Variants in GRAMD1C observed in about 807,000 individuals in gnomAD.
GRAMD1C encodes protein Aster-C.
In GRAMD1C, 89 loss-of-function variants were observed where a neutral mutation model predicts 97.8. That is an observed-to-expected ratio of 0.91 (90% CI 0.77 to 1.09). GRAMD1C has a LOEUF of 1.09. Ranked by LOEUF, GRAMD1C falls within the 50% of genes least tolerant of loss-of-function variation. The pLI, the probability that GRAMD1C is intolerant of heterozygous loss-of-function variation, is 0.00. For synonymous variants in GRAMD1C, 256 were observed against 267.0 expected (o/e 0.96, Z 0.40); for missense variants, 740 against 766.4 (o/e 0.97, Z 0.41).
At chr3:113,857,800 G>T (rs1934208894) in intron 2 of GRAMD1C, among the ~76,000 whole-genome samples, 1 of 152,148 alleles carries the variant, frequency 6.6e-6, no homozygotes, top group African/African-American at 2.4e-5. Context: ...GGGTTACATT[G>T]ATTGATTTTT....
intron 2 of GRAMD1C, among the ~76,000 whole-genome samples, chr3:113,858,032 C>T (rs566667191): frequency 6.6e-6 from 1 of 152,066 alleles, no homozygotes; most frequent in South Asian, 2.1e-4. Context: ...GAAGTGCTCC[C>T]TCTTGTTCTG....
chr3:113,856,565 A>G (rs1432875112), intron 2 of GRAMD1C, among the ~76,000 whole-genome samples: 3 of 152,172 alleles, frequency 2.0e-5, no homozygotes, highest in Non-Finnish European at 4.4e-5. Context: ...TTAGAGACAG[A>G]GTCCTGCTCT....
intron 17 of GRAMD1C, among the ~76,000 whole-genome samples, chr3:113,942,549 GT>G (rs1171721320): frequency 6.6e-6 from 1 of 152,134 alleles, no homozygotes; most frequent in Non-Finnish European, 1.5e-5. Flanking sequence ...CTCCAACCTG[GT>G]GGATTTAGGG....
intron 2 of GRAMD1C, 143 bp downstream of exon 2, chr3:113,844,792 A>G (rs1381177818): frequency 3.4e-6 from 2 of 581,126 alleles, no homozygotes; most frequent in African/African-American, 1.9e-5. Flanking sequence ...TCCCAAAGAC[A>G]TTTCTGATTA....
chr3:113,894,178 C>G (rs1935844637), intron 6 of GRAMD1C, among the ~76,000 whole-genome samples: 1 of 152,040 alleles, frequency 6.6e-6, no homozygotes, highest in African/African-American at 2.4e-5. Flanking sequence ...AATTGAGGCT[C>G]AATCAATTAT....
chr3:113,901,368 G>A (rs1280761473), intron 7 of GRAMD1C, among the ~76,000 whole-genome samples: 1 of 152,208 alleles, frequency 6.6e-6, no homozygotes, highest in Non-Finnish European at 1.5e-5. Context: ...ATGTCACTTA[G>A]GGTAGACTTA....
intron 2 of GRAMD1C, among the ~76,000 whole-genome samples, chr3:113,863,585 A>G (rs1445896211): frequency 6.6e-6 from 1 of 152,222 alleles, no homozygotes; most frequent in Non-Finnish European, 1.5e-5. Context: ...TACCAAAATC[A>G]CTGACTTGTA....
chr3:113,894,099 A>C (rs1490022029), intron 6 of GRAMD1C, among the ~76,000 whole-genome samples: 1 of 152,184 alleles, frequency 6.6e-6, no homozygotes, highest in Non-Finnish European at 1.5e-5. Context: ...TACTTGAATT[A>C]CTAAGAAAAT....
chr3:113,894,319 C>T (rs1935849667), intron 6 of GRAMD1C, among the ~76,000 whole-genome samples: 1 of 151,624 alleles, frequency 6.6e-6, no homozygotes, highest in Admixed American at 6.6e-5. Flanking sequence ...TGCTCTGTTG[C>T]CCAGGCTGGA....
chr3:113,897,760 A>G (rs1935997018), intron 6 of GRAMD1C: 1 of 984,680 alleles, frequency 1.0e-6, no homozygotes, highest in South Asian at 4.7e-5. Flanking sequence ...GTTCATCTTT[A>G]TTTTGTTAAA....
intron 11 of GRAMD1C, among the ~76,000 whole-genome samples, chr3:113,932,660 T>A (rs1361078572): frequency 1.3e-5 from 2 of 152,168 alleles, no homozygotes; most frequent in African/African-American, 4.8e-5. Context: ...AAAAAATAAT[T>A]TGCCAGTGAA....
At chr3:113,930,295 A>G (rs1937362209) in intron 10 of GRAMD1C, among the ~76,000 whole-genome samples, 1 of 152,212 alleles carries the variant, frequency 6.6e-6, no homozygotes, top group Admixed American at 6.5e-5. Flanking sequence ...TCAAGGTCAT[A>G]TGGTTTCTTA....
At chr3:113,877,296 T>G (rs1935085461) in intron 5 of GRAMD1C, among the ~76,000 whole-genome samples, 1 of 152,236 alleles carries the variant, frequency 6.6e-6, no homozygotes, top group Non-Finnish European at 1.5e-5. Flanking sequence ...AAGACATTTT[T>G]CTATATAACC....
intron 11 of GRAMD1C, among the ~76,000 whole-genome samples, chr3:113,931,554 T>TTG (rs1937423265): frequency 6.6e-6 from 1 of 152,056 alleles, no homozygotes; most frequent in Non-Finnish European, 1.5e-5. Flanking sequence ...AGACGGGGTT[T>TTG]CAGCATGTTG....
intron 2 of GRAMD1C, among the ~76,000 whole-genome samples, chr3:113,848,974 A>G (rs1933732630): frequency 1.3e-5 from 1 of 78,086 alleles, no homozygotes; most frequent in Admixed American, 1.7e-4. Flanking sequence ...AAAAATATAT[A>G]GCAAAATGTA....
intron 11 of GRAMD1C, among the ~76,000 whole-genome samples, chr3:113,932,480 T>A (rs1486446210): frequency 1.3e-5 from 2 of 152,202 alleles, no homozygotes; most frequent in Non-Finnish European, 2.9e-5. Flanking sequence ...TTACTACCCT[T>A]CTTGACTTTT....
In GRAMD1C at chr3:113,844,667, G is replaced by T. The variant is rs2033380; in HGVS notation, c.174+18G>T. ...GCTTTTGGGTAATTTCTTTTTTTAC[G>T]TCTTTATTTTAATCTTGAATACAAA... On this transcript the variant is annotated intron_variant, in intron 2 of 17. Transcript: ENST00000358160. 1.5e-4 allele frequency: 230 copies of T among 1,542,420 alleles called. No individual in the cohort carries two copies. The African/African-American group carries it at 2.1e-3, about 14-fold the overall frequency.
chr3:113,830,647 GA>G (rs1709545827), intron 1 of GRAMD1C, among the ~76,000 whole-genome samples: 2 of 152,172 alleles, frequency 1.3e-5, no homozygotes, highest in Non-Finnish European at 2.9e-5. Flanking sequence ...TCCAAACATA[GA>G]AAAAGTACAG....
intron 17 of GRAMD1C, among the ~76,000 whole-genome samples, chr3:113,944,358 T>C (rs767042218): frequency 3.1e-4 from 47 of 152,204 alleles, no homozygotes; most frequent in Non-Finnish European, 6.6e-4. Context: ...CATTGGGGAT[T>C]CAGTTTGAAC....
Sources: gnomAD v4.1 joint callset for allele counts (sites outside exome capture counted in the v4.1 genomes callset) on GRCh38, gnomAD v4.1.1 for gene constraint, MANE v1.5 for transcripts, NCBI Gene and HGNC (gene_info 2026-07-23, HGNC 2026-07-21) for gene names.